The following PCBP3 variants were observed in gnomAD, a reference collection of about 807,000 sequenced individuals.
PCBP3 encodes poly(rC) binding protein 3.
In PCBP3, 25 loss-of-function variants were observed where a neutral mutation model predicts 52.7. The observed-to-expected ratio is 0.47, with a 90% CI of 0.35 to 0.66. The LOEUF (loss-of-function observed/expected upper bound fraction) is 0.66. Ranked by LOEUF, PCBP3 falls within the 30% of genes least tolerant of loss-of-function variation. The pLI is 0.01. For missense variants in PCBP3, 391 were observed against 490.3 expected (o/e 0.80, Z 1.91); for synonymous variants, 162 against 183.0 (o/e 0.89, Z 0.93).
Position 45,935,261 on chromosome 21 carries a change from G to A in PCBP3, c.865G>A (p.Ala289Thr), listed in dbSNP as rs200698628. 30 of 1,612,086 alleles carry A rather than the reference G, an allele frequency of 1.9e-5. No individual in the cohort carries two copies. In the Admixed American group the frequency reaches 2.8e-4, roughly 15 times the overall value. ...NLMGQSSGLD[A>T]SPPASTHELT... Reference sequence around the variant, plus strand: ...CCCCTTGGTATACCCAGGTCTGGACGCCAGCCCACCGGCCAGCACTCATGA... The same window carrying A: ...CCCCTTGGTATACCCAGGTCTGGACACCAGCCCACCGGCCAGCACTCATGA... Residue 289 changes from alanine to threonine, a missense_variant, in exon 16 of 18, where the codon GCC (alanine) becomes ACC (threonine). Ala to Thr is a moderately conservative substitution (Grantham distance 58). Transcript: ENST00000681687.
intron 15 of PCBP3, among the ~76,000 whole-genome samples, chr21:45,934,721 G>T (rs1242552148): frequency 6.6e-6 from 1 of 152,212 alleles, no homozygotes; most frequent in Non-Finnish European, 1.5e-5. Context: ...TCTGCCATCT[G>T]CTGTCCCCTG....
intron 2 of PCBP3, among the ~76,000 whole-genome samples, chr21:45,669,413 G>A (rs940638152): frequency 2.0e-5 from 3 of 151,970 alleles, no homozygotes; most frequent in Non-Finnish European, 4.4e-5. Context: ...AGCAACTATA[G>A]TTTTAAAATT....
At chr21:45,756,239 C>T (rs769145039) in intron 4 of PCBP3, among the ~76,000 whole-genome samples, 2 of 152,290 alleles carry the variant, frequency 1.3e-5, no homozygotes, top group East Asian at 3.9e-4. Flanking sequence ...CACCAGACAG[C>T]GATCTGTGCT....
intron 3 of PCBP3, chr21:45,749,759 G>A (rs1484590850): frequency 1.3e-5 from 2 of 152,236 alleles, no homozygotes; most frequent in African/African-American, 4.8e-5. Context: ...CCTGGGAATG[G>A]GGGTGTCCTC....
At chr21:45,811,367 C>T (rs1449001399) in intron 4 of PCBP3, among the ~76,000 whole-genome samples, 1 of 152,226 alleles carries the variant, frequency 6.6e-6, no homozygotes, top group African/African-American at 2.4e-5. Flanking sequence ...GAAGTGCTCC[C>T]GTTCATCTGC....
At position 45,669,809 on chromosome 21, in the gene PCBP3, A is replaced by ATATATG. The variant is rs2081053512; in HGVS notation, c.-200+862_-200+863insGTATAT. On this transcript the variant is annotated intron_variant, in intron 2 of 17. Coordinates refer to ENST00000681687, the MANE Select transcript of PCBP3 (RefSeq NM_001384156.1). ...CCATTGTGTGTGTGTGTGTGTGTAT[A>ATATATG]TATATATATATATATATATATATAT... 3.0e-5 allele frequency among the ~76,000 whole-genome samples: 2 copies of ATATATG among 67,558 alleles called. 1 individual carries two copies. The highest frequency in any genetic ancestry group is 6.0e-5 in the Non-Finnish European group (2 of 33,246). The allele number at this position is 67,558 out of a possible 152,430, so 44.3% of individuals were successfully genotyped here.
intron 4 of PCBP3, among the ~76,000 whole-genome samples, chr21:45,786,265 T>C (rs1243633722): frequency 6.6e-6 from 1 of 150,734 alleles, no homozygotes; most frequent in East Asian, 1.9e-4. Flanking sequence ...ATTGTTGACA[T>C]TTTTACTCTT....
chr21:45,906,200 C>A (rs760708101), intron 9 of PCBP3, among the ~76,000 whole-genome samples: 25 of 152,232 alleles, frequency 1.6e-4, no homozygotes, highest in Non-Finnish European at 3.4e-4. Context: ...CGTGAACACC[C>A]ACCACCATGA....
chr21:45,874,065 T>G (rs1031968212), intron 5 of PCBP3, among the ~76,000 whole-genome samples: 1 of 151,914 alleles, frequency 6.6e-6, no homozygotes, highest in African/African-American at 2.4e-5. Flanking sequence ...TGGGCTCAAG[T>G]GATCCACCCG....
At chr21:45,937,259 G>A (rs749223326) in intron 16 of PCBP3, among the ~76,000 whole-genome samples, 13 of 152,218 alleles carry the variant, frequency 8.5e-5, no homozygotes, top group Non-Finnish European at 1.3e-4. Context: ...CCCCAGCACG[G>A]CCACTGGGGA....
chr21:45,851,171 C>T (rs4819157), intron 5 of PCBP3, among the ~76,000 whole-genome samples: 21,067 of 152,106 alleles, frequency 0.14, 1,618 homozygotes, highest in Middle Eastern at 0.28. Flanking sequence ...AAATTCACAG[C>T]CCTGAAAGCT....
At chr21:45,859,040 C>G (rs1429740938) in intron 5 of PCBP3, 1 of 152,354 alleles carries the variant, frequency 6.6e-6, no homozygotes, top group Non-Finnish European at 1.5e-5. Flanking sequence ...ATAAATTACA[C>G]AGTCTCGGGT....
At chr21:45,897,847 C>T (rs2095870775) in intron 6 of PCBP3, among the ~76,000 whole-genome samples, 1 of 152,192 alleles carries the variant, frequency 6.6e-6, no homozygotes, top group African/African-American at 2.4e-5. Context: ...ATGTTCAGCT[C>T]CCTATATGGA....
At chr21:45,742,815 A>G (rs2086551040) in intron 3 of PCBP3, among the ~76,000 whole-genome samples, 1 of 152,128 alleles carries the variant, frequency 6.6e-6, no homozygotes, top group Non-Finnish European at 1.5e-5. Flanking sequence ...GTGCTGGTAC[A>G]CTGTTTTAAT....
intron 9 of PCBP3, 114 bp downstream of exon 9, chr21:45,901,227 G>A: frequency 1.3e-6 from 1 of 757,088 alleles, no homozygotes; most frequent in South Asian, 1.5e-5. Flanking sequence ...GCCCGCCCAG[G>A]CAACCCCATA....
intron 4 of PCBP3, among the ~76,000 whole-genome samples, chr21:45,846,491 G>C (rs1004497116): frequency 6.6e-6 from 1 of 151,780 alleles, no homozygotes; most frequent in Non-Finnish European, 1.5e-5. Flanking sequence ...TCTATTATTG[G>C]AGTACAAAGT....
rs192711537 is a variant in PCBP3 at position 45,735,780 on chromosome 21, T to C, written c.-162+351T>C. On this transcript the variant is annotated intron_variant, in intron 3 of 17. Coordinates refer to ENST00000681687, the MANE Select transcript of PCBP3 (RefSeq NM_001384156.1). This position sits in a 1 kb window ranked among gnomAD's most constrained non-coding sequence, Gnocchi z 4.0. The stretch of plus-strand genomic sequence containing the variant: ...GCACTTGGAGCCTACTGCACGAGCC[T>C]ACCGCACAAGCCTACCGCACGCCTT... 2.6e-5 allele frequency among the ~76,000 whole-genome samples: 4 copies of C among 152,310 alleles called. No homozygotes were observed. Among genetic ancestry groups the C allele is most frequent in the African/African-American group, 9.6e-5 (4 of 41,578 alleles).
At chr21:45,750,719 T>G (rs1410871294) in intron 3 of PCBP3, 1 of 152,110 alleles carries the variant, frequency 6.6e-6, no homozygotes, top group Non-Finnish European at 1.5e-5. Flanking sequence ...AGGGCTCTAG[T>G]TTTTGTAGTG....
chr21:45,909,547 C>A, intron 10 of PCBP3, 61 bp downstream of exon 10: 2 of 1,560,060 alleles, frequency 1.3e-6, no homozygotes, highest in Non-Finnish European at 8.7e-7. Flanking sequence ...CGGGTGGTGG[C>A]CACAGGCCAG....
Sources: gnomAD v4.1 joint callset for allele counts (sites outside exome capture counted in the v4.1 genomes callset) on GRCh38, gnomAD v4.1.1 for gene constraint, Gnocchi (gnomAD v3.1) non-coding constraint, MANE v1.5 for transcripts, NCBI Gene and HGNC (gene_info 2026-07-23, HGNC 2026-07-21) for gene names.